Variants in MAP3K19 observed in about 807,000 individuals in gnomAD.
MAP3K19 encodes mitogen-activated protein kinase kinase kinase 19.
A neutral mutation model predicts 114.4 loss-of-function variants in MAP3K19; 91 were observed. That is an observed-to-expected ratio of 0.80 (90% confidence interval 0.67 to 0.95). MAP3K19 has a LOEUF of 0.95. Ranked by LOEUF, MAP3K19 falls within the 40% of genes least tolerant of loss-of-function variation. The pLI is 0.00. For missense variants in MAP3K19, 1,471 were observed against 1,573.2 expected (o/e 0.94, Z 1.10); for synonymous variants, 518 against 530.5 (o/e 0.98, Z 0.32).
chr2:134,968,415 C>T (rs922070230), intron 12 of MAP3K19, among the ~76,000 whole-genome samples: 2 of 149,478 alleles, frequency 1.3e-5, no homozygotes, highest in Non-Finnish European at 3.0e-5. Context: ...AGAGGGGCTC[C>T]TCACATCCCA....
At chr2:135,023,751 C>G (rs1688137981) in intron 4 of MAP3K19, 2 of 355,168 alleles carry the variant, frequency 5.6e-6, no homozygotes, top group Non-Finnish European at 1.1e-5. Context: ...GTTCTTACCA[C>G]CATACATATG....
chr2:135,031,970 C>A (rs1005995021), intron 2 of MAP3K19, among the ~76,000 whole-genome samples: 1 of 152,142 alleles, frequency 6.6e-6, no homozygotes, highest in Non-Finnish European at 1.5e-5. Flanking sequence ...TCAAGTGCTT[C>A]TGCATGAAAC....
In MAP3K19 at chr2:134,971,171, T is replaced by C. The variant is rs146336284; in HGVS notation, c.3921-6255A>G. Among the ~76,000 whole-genome samples, 720 of 152,344 alleles carry C rather than the reference T, an allele frequency of 4.7e-3. 4 individuals are homozygous for C. Among genetic ancestry groups the C allele is most frequent in the African/African-American group, 0.017 (688 of 41,584 alleles). On this transcript the variant is annotated intron_variant, in intron 12 of 12. Coordinates refer to ENST00000392915, the MANE Select transcript of MAP3K19 (RefSeq NM_025052.5). ...AATGTCTTTTCTGTTTCTATTGAGA[T>C]GGTCATATTGTTTTTGTCCTTCATT...
chr2:135,014,369 A>G lies in MAP3K19; in HGVS notation c.138+7346T>C, dbSNP rs985941045. On this transcript the variant is annotated intron_variant, in intron 5 of 12. Coordinates refer to ENST00000392915, the MANE Select transcript of MAP3K19 (RefSeq NM_025052.5). ...GAGTGAGACCCTGTCTCCAAAAAAG[A>G]AGAAAAGAAAAAAAAAAGGCATGTT... is the stretch of plus-strand genomic sequence containing the variant. 2.0e-5 allele frequency among the ~76,000 whole-genome samples: 3 copies of G among 151,840 alleles called. No individual in the cohort carries two copies. In the East Asian group the frequency reaches 5.8e-4, roughly 29 times the overall value.
intron 8 of MAP3K19, 114 bp from the exon 9 acceptor site, chr2:134,991,694 A>G (rs1685592204): frequency 2.4e-6 from 2 of 832,820 alleles, no homozygotes; most frequent in South Asian, 3.1e-5. Context: ...GAAAAGTTGT[A>G]GAAATTGGAG....
chr2:134,988,590 A>G (rs978334673), intron 9 of MAP3K19, among the ~76,000 whole-genome samples: 9 of 152,140 alleles, frequency 5.9e-5, no homozygotes, highest in South Asian at 4.2e-4. Context: ...AGGTCTCTCT[A>G]TGTTGCCCAG....
chr2:135,031,637 G>A (rs1688382626), intron 2 of MAP3K19, among the ~76,000 whole-genome samples: 1 of 152,188 alleles, frequency 6.6e-6, no homozygotes, highest in East Asian at 1.9e-4. Flanking sequence ...TCTGACTGCT[G>A]AAATAGATTG....
At position 134,986,102 on chromosome 2, in the gene MAP3K19, C is replaced by A. The variant is rs1034340635; in HGVS notation, c.2770G>T (p.Val924Leu). 1 of 1,613,912 alleles carries A rather than the reference C, an allele frequency of 6.2e-7. No individual in the cohort carries two copies. Among genetic ancestry groups the A allele is most frequent in the Middle Eastern group, 1.6e-4 (1 of 6,062 alleles). ...AAACTATCATGATCCAAATAATGTA[C>A]CCAATATTGATATGTCTGGGAAGAT... ...SASSQTYQYW[V>L]HYLDHDSLAN... Residue 924 changes from valine (V) to leucine (L), a missense_variant, in exon 10 of 13, where the codon GTA becomes TTA. Coordinates refer to ENST00000392915, the MANE Select transcript of MAP3K19 (RefSeq NM_025052.5).
Position 135,033,232 on chromosome 2 carries a change from C to A in MAP3K19, c.-283-2732G>T, listed in dbSNP as rs1229463034. The stretch of plus-strand genomic sequence containing the variant: ...TCATCTCCCAGACGAGGCGGCTGGC[C>A]GGGCGGGGGGCTGACCCCCCCACCT... On this transcript the variant is annotated intron_variant, in intron 2 of 12. Coordinates refer to ENST00000392915, the MANE Select transcript of MAP3K19 (RefSeq NM_025052.5). Among the ~76,000 whole-genome samples, 242 of 107,454 alleles carry A rather than the reference C, an allele frequency of 2.3e-3. 28 individuals carry two copies. The highest frequency in any genetic ancestry group is 0.011 in the African/African-American group (225 of 19,730). 70.5% of individuals were successfully genotyped at this position (107,454 alleles called of 152,430 possible). A position where few individuals can be genotyped will look rare whatever the true frequency, so the allele number is the denominator to read the frequency against.
At chr2:135,009,694 A>G (rs1449574477) in intron 5 of MAP3K19, among the ~76,000 whole-genome samples, 1 of 152,034 alleles carries the variant, frequency 6.6e-6, no homozygotes, top group Non-Finnish European at 1.5e-5. Flanking sequence ...CAAAATCCAT[A>G]ATGATGACTA....
intron 10 of MAP3K19, 64 bp from the exon 11 acceptor site, chr2:134,983,889 G>C (rs980696864): frequency 8.7e-7 from 1 of 1,154,540 alleles, no homozygotes; most frequent in Non-Finnish European, 1.2e-6. Flanking sequence ...GAGAGAAAGG[G>C]GTGAGAGTAA....
At chr2:135,036,453 C>A (rs1688525785) in intron 2 of MAP3K19, among the ~76,000 whole-genome samples, 3 of 151,982 alleles carry the variant, frequency 2.0e-5, no homozygotes, top group Admixed American at 6.6e-5. Context: ...ATAATGATGC[C>A]TTAATTTAAT....
At chr2:134,993,710 G>C (rs1664913990) in intron 8 of MAP3K19, among the ~76,000 whole-genome samples, 1 of 152,186 alleles carries the variant, frequency 6.6e-6, no homozygotes, top group Non-Finnish European at 1.5e-5. Context: ...GTATTGGTCA[G>C]GAATTATGTG....
chr2:135,042,272 G>T (rs956456300), intron 1 of MAP3K19, among the ~76,000 whole-genome samples: 2 of 152,262 alleles, frequency 1.3e-5, no homozygotes, highest in South Asian at 4.1e-4. Flanking sequence ...GGAGGCCGAG[G>T]CGGGCGGATC....
chr2:135,007,684 C>A (rs962064822), intron 5 of MAP3K19, among the ~76,000 whole-genome samples: 4 of 152,006 alleles, frequency 2.6e-5, no homozygotes, highest in Non-Finnish European at 5.9e-5. Context: ...AGTTGGGTGC[C>A]CTACCTCAGA....
chr2:135,046,476 A>G (rs967504226), intron 1 of MAP3K19, among the ~76,000 whole-genome samples: 1 of 152,094 alleles, frequency 6.6e-6, no homozygotes, highest in Non-Finnish European at 1.5e-5. Context: ...GGGTTTCACC[A>G]TGTTGGGCAG....
intron 12 of MAP3K19, among the ~76,000 whole-genome samples, chr2:134,966,661 C>T (rs976905600): frequency 1.3e-5 from 2 of 152,156 alleles, no homozygotes; most frequent in African/African-American, 2.4e-5. Flanking sequence ...GCCTTGAGCC[C>T]CCCAGGCCAC....
intron 12 of MAP3K19, among the ~76,000 whole-genome samples, chr2:134,966,935 G>A (rs1018250622): frequency 1.3e-5 from 2 of 152,208 alleles, no homozygotes; most frequent in Non-Finnish European, 2.9e-5. Context: ...CTGTGTCTAT[G>A]TAGAAAGGAA....
chr2:134,994,029 A>AAAT (rs1685811623), intron 8 of MAP3K19, among the ~76,000 whole-genome samples: 2 of 152,192 alleles, frequency 1.3e-5, no homozygotes, highest in South Asian at 4.1e-4. Context: ...AAATAAAATA[A>AAAT]AATAAGTACA....
Sources: allele counts gnomAD v4.1 joint callset (sites outside exome capture counted in the v4.1 genomes callset), GRCh38; gene constraint gnomAD v4.1.1; transcripts MANE v1.5; gene names NCBI Gene and HGNC (gene_info 2026-07-23, HGNC 2026-07-21).